ACOT13: variants seen among roughly 807,000 people sequenced by gnomAD.
The protein encoded by ACOT13 is acyl-coenzyme A thioesterase 13.
Under a neutral mutation model 11.8 loss-of-function variants are expected in ACOT13, and 10 were observed. That is an observed-to-expected ratio of 0.85 (90% CI 0.53 to 1.44). ACOT13 has a LOEUF of 1.44. Among genes scored for constraint, ACOT13 ranks in the 40% most tolerant of loss-of-function variants. ACOT13 has a pLI of 0.00. For synonymous variants in ACOT13, 53 were observed against 61.0 expected (o/e 0.87, Z 0.61); for missense variants, 172 against 174.1 (o/e 0.99, Z 0.07).
chr6:24,702,536 A>T lies in ACOT13; in HGVS notation c.*921A>T, dbSNP rs772908478. On this transcript the variant is annotated 3_prime_UTR_variant, in exon 3 of 3. Transcript: ENST00000230048. ...GGTTGGGATTTTAACATACAAATTT[A>T]GGGGAAACACATGGAGACCACAGCA... 1 of 152,202 alleles carries T rather than the reference A, an allele frequency of 6.6e-6. No individual in the cohort carries two copies. The highest frequency in any genetic ancestry group is 1.5e-5 in the Non-Finnish European group (1 of 68,032). The allele number at this position is 152,202 out of a possible 1,614,324, so 9.4% of individuals were successfully genotyped here.
At chr6:24,695,644 A>C (rs1354166878) in intron 1 of ACOT13, among the ~76,000 whole-genome samples, 2 of 152,332 alleles carry the variant, frequency 1.3e-5, no homozygotes, top group East Asian at 3.9e-4. Flanking sequence ...CATTTTTTAC[A>C]TTGCCAATGC....
Position 24,698,037 on chromosome 6 carries a change from C to A in ACOT13, c.236C>A (p.Ala79Glu), listed in dbSNP as rs1297801034. ...GCTCTGCTATGCACGGAAAGGGGAG[C>A]ACCCGGAGTCAGTGTCGATATGAAC... ...TMALLCTERGAPGVSVDMNIT... is the reference protein window; with the variant it reads ...TMALLCTERGEPGVSVDMNIT... Residue 79 changes from alanine to glutamate, a missense_variant, in exon 2 of 3, where the codon GCA (alanine) becomes GAA (glutamate). Coordinates refer to ENST00000230048, the MANE Select transcript of ACOT13 (RefSeq NM_018473.4). 7 of 1,609,648 alleles carry A rather than the reference C, an allele frequency of 4.3e-6. No homozygotes were observed. The highest frequency in any genetic ancestry group is 1.3e-5 in the African/African-American group (1 of 74,732).
intron 1 of ACOT13, among the ~76,000 whole-genome samples, chr6:24,676,916 A>G (rs547187118): frequency 2.0e-4 from 31 of 152,204 alleles, no homozygotes; most frequent in African/African-American, 7.2e-4. Flanking sequence ...CTCTCTCCAT[A>G]TTGCTGCATG....
intron 1 of ACOT13, among the ~76,000 whole-genome samples, chr6:24,670,582 C>T (rs1407130540): frequency 6.6e-6 from 1 of 152,176 alleles, no homozygotes; most frequent in African/African-American, 2.4e-5. Flanking sequence ...TGTCCTGTTA[C>T]AAATGAAAAC....
At chr6:24,691,024 C>T (rs1445178347) in intron 1 of ACOT13, among the ~76,000 whole-genome samples, 1 of 152,068 alleles carries the variant, frequency 6.6e-6, no homozygotes, top group Non-Finnish European at 1.5e-5. Flanking sequence ...GTTTGTCTTC[C>T]CTCTATACTT....
intron 1 of ACOT13, among the ~76,000 whole-genome samples, chr6:24,694,854 G>A (rs1778770024): frequency 6.6e-6 from 1 of 152,134 alleles, no homozygotes; most frequent in African/African-American, 2.4e-5. Context: ...AATTTTATTA[G>A]TATGTCCTTT....
At position 24,704,674 on chromosome 6, in the gene ACOT13, A is replaced by C. The variant is rs752677345; in HGVS notation, c.*3059A>C. On this transcript the variant is annotated 3_prime_UTR_variant, in exon 3 of 3. Coordinates refer to ENST00000230048, the MANE Select transcript of ACOT13 (RefSeq NM_018473.4). Reference sequence around the variant, plus strand: ...ATGGCCCTTTCCCATGAAGCAAGGCATAAGGCCAGGTTGCTAACTGTTGAA... The same window carrying C: ...ATGGCCCTTTCCCATGAAGCAAGGCCTAAGGCCAGGTTGCTAACTGTTGAA... 3 of 152,262 alleles carry C rather than the reference A, an allele frequency of 2.0e-5. No homozygotes were observed. Among genetic ancestry groups the C allele is most frequent in the Non-Finnish European group, 4.4e-5 (3 of 68,042 alleles). The allele number at this position is 152,262 out of a possible 1,614,324, so 9.4% of individuals were successfully genotyped here. A position where few individuals can be genotyped will look rare whatever the true frequency, so the allele number is the denominator to read the frequency against.
At chr6:24,674,340 G>A (rs1778409725) in intron 1 of ACOT13, among the ~76,000 whole-genome samples, 1 of 152,130 alleles carries the variant, frequency 6.6e-6, no homozygotes, top group African/African-American at 2.4e-5. Flanking sequence ...GCAGGCATGA[G>A]CCGCTGCCCC....
intron 1 of ACOT13, among the ~76,000 whole-genome samples, chr6:24,686,912 G>A (rs1778640775): frequency 6.6e-6 from 1 of 152,044 alleles, no homozygotes; most frequent in Admixed American, 6.6e-5. Context: ...TTGTTGCCTA[G>A]GCTGCTACAC....
chr6:24,687,090 G>A (rs1228318041), intron 1 of ACOT13, among the ~76,000 whole-genome samples: 1 of 152,166 alleles, frequency 6.6e-6, no homozygotes, highest in East Asian at 1.9e-4. Context: ...ATTTCTAAGT[G>A]TACAGTTTTG....
At position 24,704,957 on chromosome 6, in the gene ACOT13, TA is replaced by T. The variant is rs942719839; in HGVS notation, c.*3345del. 17 of 151,974 alleles carry T rather than the reference TA, an allele frequency of 1.1e-4. No individual in the cohort carries two copies. Among genetic ancestry groups the T allele is most frequent in the African/African-American group, 4.1e-4 (17 of 41,272 alleles). 9.4% of individuals were successfully genotyped at this position (151,974 alleles called of 1,614,324 possible). A position where few individuals can be genotyped will look rare whatever the true frequency, so the allele number is the denominator to read the frequency against. On this transcript the variant is annotated 3_prime_UTR_variant, in exon 3 of 3. Transcript: ENST00000230048. ...TTTTTTTCAAATTCCAACCAGAAGC[TA>T]AATACAATTGGAAACTGGTAAGCAC...
At chr6:24,680,861 T>A (rs1287292398) in intron 1 of ACOT13, among the ~76,000 whole-genome samples, 1 of 152,234 alleles carries the variant, frequency 6.6e-6, no homozygotes, top group Admixed American at 6.5e-5. Context: ...TGGGCTTGGC[T>A]GAGTGCAAAC....
At chr6:24,671,032 A>T (rs552989828) in intron 1 of ACOT13, among the ~76,000 whole-genome samples, 1 of 152,298 alleles carries the variant, frequency 6.6e-6, no homozygotes, top group Admixed American at 6.5e-5. Context: ...AACTAGGTCA[A>T]CCATTGTGGA....
intron 1 of ACOT13, among the ~76,000 whole-genome samples, chr6:24,691,502 TAGAG>T (rs1209883651): frequency 6.6e-6 from 1 of 152,070 alleles, no homozygotes; most frequent in Non-Finnish European, 1.5e-5. Flanking sequence ...AGGTGGAAGA[TAGAG>T]AGTATTGGTG....
intron 1 of ACOT13, among the ~76,000 whole-genome samples, chr6:24,690,032 C>G (rs1173700053): frequency 6.6e-6 from 1 of 152,152 alleles, no homozygotes; most frequent in African/African-American, 2.4e-5. Flanking sequence ...AAAAACAGCA[C>G]TAAGAAAAAA....
chr6:24,693,814 C>T (rs1158383159), intron 1 of ACOT13, among the ~76,000 whole-genome samples: 1 of 151,732 alleles, frequency 6.6e-6, no homozygotes, highest in Non-Finnish European at 1.5e-5. Flanking sequence ...ACTTCCACCT[C>T]CCAGGCTCAA....
At chr6:24,669,251 G>A (rs768753958) in intron 1 of ACOT13, among the ~76,000 whole-genome samples, 1 of 152,222 alleles carries the variant, frequency 6.6e-6, no homozygotes, top group Non-Finnish European at 1.5e-5. Context: ...GGACATATAA[G>A]ACATCAATCA....
At chr6:24,700,659 C>T (rs1778877797) in intron 2 of ACOT13, among the ~76,000 whole-genome samples, 1 of 152,052 alleles carries the variant, frequency 6.6e-6, no homozygotes. Context: ...TGGTCTCGAA[C>T]TCCTGCCCTC....
At chr6:24,691,003 TCTG>T (rs1355137292) in intron 1 of ACOT13, among the ~76,000 whole-genome samples, 1 of 152,240 alleles carries the variant, frequency 6.6e-6, no homozygotes, top group Non-Finnish European at 1.5e-5. Flanking sequence ...ATTGAAAATA[TCTG>T]CTGATTTGTT....
Sources: allele counts gnomAD v4.1 joint callset (sites outside exome capture counted in the v4.1 genomes callset), GRCh38; gene constraint gnomAD v4.1.1; transcripts MANE v1.5; gene names NCBI Gene and HGNC (gene_info 2026-07-23, HGNC 2026-07-21).